Variants in NMNAT2 observed in about 807,000 individuals in gnomAD.
The protein encoded by NMNAT2 is nicotinamide nucleotide adenylyltransferase 2.
Under a neutral mutation model 41.6 loss-of-function variants are expected in NMNAT2, and 11 were observed. The ratio of observed to expected loss-of-function variants is 0.26; its 90% CI spans 0.17 to 0.44. NMNAT2 has a LOEUF of 0.44. NMNAT2 is among the 20% of genes least tolerant of loss of function. The pLI, the probability that NMNAT2 is intolerant of heterozygous loss-of-function variation, is 1.00. For synonymous variants in NMNAT2, 148 were observed against 151.2 expected (o/e 0.98, Z 0.16); for missense variants, 288 against 407.7 (o/e 0.71, Z 2.53).
At chr1:183,310,311 C>T (rs753133640) in intron 1 of NMNAT2, among the ~76,000 whole-genome samples, 1 of 152,202 alleles carries the variant, frequency 6.6e-6, no homozygotes, top group Non-Finnish European at 1.5e-5. Context: ...AAGCTCCTTG[C>T]ATGAACAGCA....
chr1:183,257,751 CT>C (rs893718618), intron 10 of NMNAT2, among the ~76,000 whole-genome samples: 37 of 145,576 alleles, frequency 2.5e-4, no homozygotes, highest in African/African-American at 9.1e-4. Flanking sequence ...ATATTTGAGT[CT>C]TTTTTTCAGT....
At chr1:183,260,809 G>A in intron 10 of NMNAT2, among the ~76,000 whole-genome samples, 193 bp downstream of exon 10, 1 of 128,374 alleles carries the variant, frequency 7.8e-6, no homozygotes. Flanking sequence ...ACAAGAGTGA[G>A]ACGCTGTCTC....
At position 183,341,738 on chromosome 1, in the gene NMNAT2, A is replaced by AAC. The variant is rs1557883701; in HGVS notation, c.86-47946_86-47945insGT. Among the ~76,000 whole-genome samples, 11 of 141,992 alleles carry AAC rather than the reference A, an allele frequency of 7.7e-5. 1 individual carries two copies. The highest frequency in any genetic ancestry group is 2.6e-4 in the African/African-American group (10 of 39,018). 93.2% of individuals were successfully genotyped at this position (141,992 alleles called of 152,430 possible). On this transcript the variant is annotated intron_variant, in intron 1 of 10. Coordinates refer to ENST00000287713, the MANE Select transcript of NMNAT2 (RefSeq NM_015039.4). ...ACAAACAAACACCAAAAAAAAAAAA[A>AAC]AAAAAAAAACCTGTTTCCTTCACTC...
Position 183,283,359 on chromosome 1 carries a change from C to T in NMNAT2, c.574+636G>A, listed in dbSNP as rs115315467. ...CCCTTTCCCCAGCTTCAGACACCTG[C>T]GTCTCCCACCATTCTGAAACCCTGG... On this transcript the variant is annotated intron_variant, in intron 7 of 10. Transcript: ENST00000287713. 1,169 of 154,172 alleles carry T rather than the reference C, an allele frequency of 7.6e-3. 5 individuals carry two copies. The highest frequency in any genetic ancestry group is 0.016 in the Admixed American group (245 of 15,420). 9.6% of individuals were successfully genotyped at this position (154,172 alleles called of 1,614,324 possible). A position where few individuals can be genotyped will look rare whatever the true frequency, so the allele number is the denominator to read the frequency against.
intron 1 of NMNAT2, among the ~76,000 whole-genome samples, chr1:183,374,306 C>A (rs1166808149): frequency 6.6e-6 from 1 of 152,150 alleles, no homozygotes; most frequent in African/African-American, 2.4e-5. Flanking sequence ...ACCCCCCTGG[C>A]TCTGGGCACC....
chr1:183,374,120 C>T (rs1370424362), intron 1 of NMNAT2, among the ~76,000 whole-genome samples: 5 of 152,198 alleles, frequency 3.3e-5, no homozygotes, highest in African/African-American at 1.2e-4. Context: ...TAAGTAACTG[C>T]TCCAAGGTCA....
At chr1:183,380,080 A>C (rs1663770922) in intron 1 of NMNAT2, among the ~76,000 whole-genome samples, 1 of 152,220 alleles carries the variant, frequency 6.6e-6, no homozygotes, top group Non-Finnish European at 1.5e-5. Context: ...ATTGTTGAGA[A>C]AGCTATCCCT....
chr1:183,409,045 G>A (rs960412828), intron 1 of NMNAT2, among the ~76,000 whole-genome samples: 9 of 152,052 alleles, frequency 5.9e-5, no homozygotes, highest in African/African-American at 2.2e-4. Flanking sequence ...AAGATGAAGG[G>A]TTGGAAAAAT....
chr1:183,416,893 A>T (rs540160252), intron 1 of NMNAT2, among the ~76,000 whole-genome samples: 1 of 152,030 alleles, frequency 6.6e-6, no homozygotes, highest in South Asian at 2.1e-4. Flanking sequence ...CCGGATAAAC[A>T]CGTGTGCCCG....
At chr1:183,282,598 C>T (rs1479994348) in intron 7 of NMNAT2, among the ~76,000 whole-genome samples, 1 of 152,212 alleles carries the variant, frequency 6.6e-6, no homozygotes, top group African/African-American at 2.4e-5. Flanking sequence ...GCTCTGCTGG[C>T]CAAGGAGACT....
At chr1:183,367,376 T>G (rs372050635) in intron 1 of NMNAT2, among the ~76,000 whole-genome samples, 1 of 152,196 alleles carries the variant, frequency 6.6e-6, no homozygotes, top group African/African-American at 2.4e-5. Context: ...GAGAATCGCT[T>G]GAACCCAGGA....
At chr1:183,316,598 A>G (rs369262539) in intron 1 of NMNAT2, among the ~76,000 whole-genome samples, 1 of 152,102 alleles carries the variant, frequency 6.6e-6, no homozygotes, top group African/African-American at 2.4e-5. Flanking sequence ...CGGTCCCCTG[A>G]GCTGTCCAGG....
intron 1 of NMNAT2, among the ~76,000 whole-genome samples, chr1:183,365,010 C>A (rs1170221642): frequency 6.6e-6 from 1 of 152,138 alleles, no homozygotes; most frequent in Admixed American, 6.6e-5. Flanking sequence ...TGAACAGGAA[C>A]CTCAACCTTC....
chr1:183,362,479 C>T (rs906092242), intron 1 of NMNAT2, among the ~76,000 whole-genome samples: 8 of 152,166 alleles, frequency 5.3e-5, no homozygotes, highest in Non-Finnish European at 8.8e-5. Flanking sequence ...TCTATCCCTA[C>T]AGATTTGCCT....
intron 8 of NMNAT2, among the ~76,000 whole-genome samples, chr1:183,274,729 C>T (rs1430568500): frequency 1.4e-5 from 2 of 145,612 alleles, no homozygotes; most frequent in East Asian, 2.0e-4. Flanking sequence ...CTCAGGAGTT[C>T]GAGACCAGCC....
intron 1 of NMNAT2, among the ~76,000 whole-genome samples, chr1:183,392,736 T>C (rs1648518861): frequency 6.6e-6 from 1 of 152,226 alleles, no homozygotes; most frequent in South Asian, 2.1e-4. Context: ...CTATTCCCTT[T>C]GCTGGGAATG....
chr1:183,255,016 TTA>T (rs1158562195), intron 10 of NMNAT2, among the ~76,000 whole-genome samples: 1 of 152,202 alleles, frequency 6.6e-6, no homozygotes, highest in Non-Finnish European at 1.5e-5. Flanking sequence ...AGATTTTCCT[TTA>T]TGTTTTCTTC....
chr1:183,312,600 T>C (rs1662149759), intron 1 of NMNAT2, among the ~76,000 whole-genome samples: 1 of 152,110 alleles, frequency 6.6e-6, no homozygotes. Flanking sequence ...GGTGACAGTT[T>C]GTCAAGCTCA....
rs368278255 is a variant in NMNAT2, at chr1:183,327,026, TTATGTATGTATG to T, written c.86-33245_86-33234del. Among the ~76,000 whole-genome samples the T allele has an allele frequency of 4.2e-3, 603 of 143,278 alleles. 1 individual carries two copies. The highest frequency in any genetic ancestry group is 0.021 in the Middle Eastern group (6 of 288). The allele number at this position is 143,278 out of a possible 152,430, so 94.0% of individuals were successfully genotyped here. ...TCTCAGCAGTATTCATAATTATATT[TTATGTATGTATG>T]TATGTATGTATGTATGTATGTATTT... On this transcript the variant is annotated intron_variant, in intron 1 of 10. Transcript: ENST00000287713.
Sources: allele counts gnomAD v4.1 joint callset (sites outside exome capture counted in the v4.1 genomes callset), GRCh38; gene constraint gnomAD v4.1.1; transcripts MANE v1.5; gene names NCBI Gene and HGNC (gene_info 2026-07-23, HGNC 2026-07-21).